TSPAN7: variants seen among roughly 807,000 people sequenced by gnomAD.
TSPAN7 encodes tetraspanin-7.
A neutral mutation model predicts 17.6 loss-of-function variants in TSPAN7; 1 was observed. The observed-to-expected ratio is 0.06, with a 90% CI of 0.02 to 0.27. The LOEUF is 0.27. TSPAN7 is among the 10% of genes least tolerant of loss of function. The probability of loss-of-function intolerance (pLI) is 1.00; values close to 1 mark genes in which losing one functional copy is unlikely to be tolerated. For missense variants in TSPAN7, 112 were observed against 201.7 expected (o/e 0.56, Z 2.69); for synonymous variants, 78 against 79.0 (o/e 0.99, Z 0.07).
intron 1 of TSPAN7, among the ~76,000 whole-genome samples, chrX:38,591,595 G>C (rs1270366391): frequency 8.9e-6 from 1 of 111,957 alleles, no homozygotes; most frequent in Non-Finnish European, 1.9e-5. Context: ...TCAATAAAGA[G>C]AGTCTTTTTG....
intron 6 of TSPAN7, among the ~76,000 whole-genome samples, chrX:38,687,283 T>C (rs1168537991): frequency 9.0e-6 from 1 of 111,644 alleles, no homozygotes; most frequent in Non-Finnish European, 1.9e-5. Flanking sequence ...ACTCCTTAAG[T>C]GTCAAAAGTT....
intron 1 of TSPAN7, among the ~76,000 whole-genome samples, chrX:38,618,069 G>A (rs765272400): frequency 5.4e-5 from 6 of 111,854 alleles, no homozygotes; most frequent in Admixed American, 2.8e-4. Flanking sequence ...GGAAGGTGGA[G>A]GAAGGAAGAT....
chrX:38,627,732 A>G (rs2069529437), intron 1 of TSPAN7, among the ~76,000 whole-genome samples: 2 of 113,123 alleles, frequency 1.8e-5, no homozygotes, highest in African/African-American at 6.4e-5. Context: ...AAATTATTTT[A>G]TCTCTAGTAT....
chrX:38,604,207 A>C (rs752232868), intron 1 of TSPAN7, among the ~76,000 whole-genome samples: 123 of 103,004 alleles, frequency 1.2e-3, no homozygotes, highest in South Asian at 3.3e-3. Flanking sequence ...TGAACTCATC[A>C]TTTTTTATGG....
In TSPAN7 at chrX:38,680,539, TTCTCTCTCTCTCTCTC is replaced by T. The variant is rs61619425; in HGVS notation, c.598-635_598-620del. Among the ~76,000 whole-genome samples, 51 of 75,608 alleles carry T rather than the reference TTCTCTCTCTCTCTCTC, an allele frequency of 6.7e-4. No individual in the cohort carries two copies. In the East Asian group the frequency reaches 0.017, roughly 25 times the overall value. The allele number at this position is 75,608 out of a possible 115,157, so 65.7% of individuals were successfully genotyped here. A position where few individuals can be genotyped will look rare whatever the true frequency, so the allele number is the denominator to read the frequency against. ...AGTTTCAAATAAATATACTTACAAA[TTCTCTCTCTCTCTCTC>T]TCTCTCTCTCTCTCTCTCTCTCTCT... On this transcript the variant is annotated intron_variant, in intron 5 of 7. Coordinates refer to ENST00000378482, the MANE Select transcript of TSPAN7 (RefSeq NM_004615.4).
chrX:38,577,743 A>G (rs943073214), intron 1 of TSPAN7, among the ~76,000 whole-genome samples: 3 of 107,597 alleles, frequency 2.8e-5, no homozygotes, highest in African/African-American at 6.8e-5. Context: ...CAGCACACTA[A>G]CATGGCACAT....
intron 1 of TSPAN7, among the ~76,000 whole-genome samples, chrX:38,619,307 T>C (rs1045837349): frequency 1.8e-5 from 2 of 111,414 alleles, no homozygotes; most frequent in African/African-American, 6.5e-5. Context: ...TTCGCTCTGC[T>C]TTGAGTACTT....
chrX:38,568,817 C>G (rs1279906097), intron 1 of TSPAN7, among the ~76,000 whole-genome samples: 1 of 110,339 alleles, frequency 9.1e-6, no homozygotes, highest in Non-Finnish European at 1.9e-5. Flanking sequence ...TATTTTCTAC[C>G]TCTTTTTCTT....
At chrX:38,606,575 G>A (rs1421516318) in intron 1 of TSPAN7, among the ~76,000 whole-genome samples, 1 of 110,916 alleles carries the variant, frequency 9.0e-6, no homozygotes, top group Non-Finnish European at 1.9e-5. Flanking sequence ...TTTGTCTTGG[G>A]ATCCTGAATC....
chrX:38,680,711 G>A (rs2069884925), intron 5 of TSPAN7, among the ~76,000 whole-genome samples: 3 of 110,814 alleles, frequency 2.7e-5, no homozygotes, highest in South Asian at 7.7e-4. Context: ...AGATGATTTC[G>A]GTTTGTTTAT....
intron 1 of TSPAN7, among the ~76,000 whole-genome samples, chrX:38,633,373 C>CATA (rs2069561695): frequency 9.0e-6 from 1 of 111,532 alleles, no homozygotes; most frequent in Admixed American, 9.5e-5. Context: ...ATAATAGAAG[C>CATA]TATATACACA....
At chrX:38,648,314 G>T (rs1439807268) in intron 1 of TSPAN7, among the ~76,000 whole-genome samples, 1 of 111,236 alleles carries the variant, frequency 9.0e-6, no homozygotes, top group Non-Finnish European at 1.9e-5. Flanking sequence ...GTGTTTTGAG[G>T]TTCTCCCTCA....
intron 1 of TSPAN7, among the ~76,000 whole-genome samples, chrX:38,577,078 A>G (rs2069197911): frequency 8.9e-6 from 1 of 111,882 alleles, no homozygotes; most frequent in Non-Finnish European, 1.9e-5. Context: ...CTACTTCATG[A>G]TGTGGCAAGA....
chrX:38,636,999 G>A (rs914376943), intron 1 of TSPAN7, among the ~76,000 whole-genome samples: 1 of 112,453 alleles, frequency 8.9e-6, no homozygotes, highest in Non-Finnish European at 1.9e-5. Context: ...CTACAGTCCT[G>A]TTGAAGAAAC....
At chrX:38,607,627 C>T (rs1053466517) in intron 1 of TSPAN7, among the ~76,000 whole-genome samples, 2 of 111,298 alleles carry the variant, frequency 1.8e-5, no homozygotes, top group Non-Finnish European at 3.8e-5. Context: ...GCACACTTTT[C>T]GTAGCATTCA....
intron 1 of TSPAN7, among the ~76,000 whole-genome samples, chrX:38,611,014 G>A (rs112138207): frequency 0.011 from 1,271 of 111,994 alleles, 13 homozygotes; most frequent in African/African-American, 0.04. Flanking sequence ...AGAGAAAATC[G>A]GTGGGTAGGG....
intron 1 of TSPAN7, among the ~76,000 whole-genome samples, chrX:38,636,188 C>T (rs938581400): frequency 1.8e-5 from 2 of 110,613 alleles, no homozygotes; most frequent in African/African-American, 6.6e-5. Context: ...ATCAGAACAG[C>T]TAAGTATACC....
intron 1 of TSPAN7, among the ~76,000 whole-genome samples, chrX:38,627,085 A>C (rs1299934261): frequency 8.9e-6 from 1 of 112,203 alleles, no homozygotes; most frequent in Non-Finnish European, 1.9e-5. Context: ...GCTAACATCT[A>C]ATTAGTCCAA....
chrX:38,624,092 G>T (rs746367304), intron 1 of TSPAN7, among the ~76,000 whole-genome samples: 1 of 110,497 alleles, frequency 9.1e-6, no homozygotes, highest in Admixed American at 9.6e-5. Context: ...GCTTTTGAGT[G>T]TTTTTTTGTT....
Sources: allele counts gnomAD v4.1 joint callset (sites outside exome capture counted in the v4.1 genomes callset), GRCh38; gene constraint gnomAD v4.1.1; transcripts MANE v1.5; gene names NCBI Gene and HGNC (gene_info 2026-07-23, HGNC 2026-07-21).